ANO4: variants seen among roughly 807,000 people sequenced by gnomAD.
The protein encoded by ANO4 is anoctamin 4, also known as anoctamin-4.
Under a neutral mutation model 141.9 loss-of-function variants are expected in ANO4, and 69 were observed. That is an observed-to-expected ratio of 0.49 (90% CI 0.40 to 0.59). ANO4 has a LOEUF of 0.59. ANO4 is among the 20% of genes least tolerant of loss of function. The pLI, the probability that ANO4 is intolerant of heterozygous loss-of-function variation, is 0.00. For synonymous variants in ANO4, 350 were observed against 394.3 expected, an observed-to-expected ratio of 0.89 and a Z score of 1.33; for missense variants, 894 against 1,162.2, an observed-to-expected ratio of 0.77 and a Z score of 3.36.
Position 100,986,926 on chromosome 12 carries a change from CAT to C in ANO4, c.603-612_603-611del, listed in dbSNP as rs536377083. Reference sequence around the variant, plus strand: ...TTGACTTGGCTTCATTAGAGTGACACATGTGTGTCACGATGCCCTAGCACCAT... The same window carrying C: ...TTGACTTGGCTTCATTAGAGTGACACGTGTGTCACGATGCCCTAGCACCAT... On this transcript the variant is annotated intron_variant, in intron 7 of 27. Transcript: ENST00000392977. Among the ~76,000 whole-genome samples the C allele has an allele frequency of 9.3e-4, 141 of 152,282 alleles. 1 individual carries two copies. Among genetic ancestry groups the C allele is most frequent in the Middle Eastern group, 6.8e-3 (2 of 294 alleles).
intron 8 of ANO4, among the ~76,000 whole-genome samples, 173 bp downstream of exon 8, chr12:100,987,843 G>A (rs2044785338): frequency 6.6e-6 from 1 of 152,184 alleles, no homozygotes; most frequent in Non-Finnish European, 1.5e-5. Flanking sequence ...GAAGATAACT[G>A]CTGTAACCAA....
chr12:100,940,659 G>T (rs1187845634), intron 4 of ANO4, among the ~76,000 whole-genome samples: 1 of 151,952 alleles, frequency 6.6e-6, no homozygotes, highest in Non-Finnish European at 1.5e-5. Flanking sequence ...TGTTTTTTTC[G>T]ATTAAGGTTT....
chr12:100,798,028 G>C lies in ANO4; in HGVS notation c.-141+3001G>C, dbSNP rs185538292. On this transcript the variant is annotated intron_variant, in intron 1 of 27. Transcript: ENST00000392977. ...CTTATCATTGAAACTGTTTTCCATA[G>C]TTGATTACCAGGACCAGAAATAGAA... is the stretch of plus-strand genomic sequence containing the variant. Among the ~76,000 whole-genome samples, 738 of 152,268 alleles carry C rather than the reference G, an allele frequency of 4.8e-3. 7 individuals are homozygous for C. Among genetic ancestry groups the C allele is most frequent in the Middle Eastern group, 0.017 (5 of 294 alleles).
At chr12:101,020,405 G>C (rs140038297) in intron 9 of ANO4, among the ~76,000 whole-genome samples, 59 of 152,336 alleles carry the variant, frequency 3.9e-4, no homozygotes, top group Middle Eastern at 3.4e-3. Flanking sequence ...CACTGAACTA[G>C]ATGTTGGGGA....
chr12:101,057,732 G>C (rs985765314), intron 14 of ANO4, among the ~76,000 whole-genome samples: 1 of 152,122 alleles, frequency 6.6e-6, no homozygotes. Flanking sequence ...CTGTAAAGTT[G>C]TTTAAGTTGC....
chr12:100,917,116 A>AC (rs1275649688), intron 2 of ANO4, among the ~76,000 whole-genome samples: 1 of 152,344 alleles, frequency 6.6e-6, no homozygotes, highest in African/African-American at 2.4e-5. Context: ...ATTGAGTATA[A>AC]CTTCTGTCCA....
At chr12:100,748,886 G>T (rs934896867) in intron 3 of ANO4, among the ~76,000 whole-genome samples, 1 of 152,100 alleles carries the variant, frequency 6.6e-6, no homozygotes, top group African/African-American at 2.4e-5. Flanking sequence ...GGGGTATTTA[G>T]ATTTTAATCG....
At chr12:100,774,314 A>G (rs2033407650) in intron 3 of ANO4, among the ~76,000 whole-genome samples, 2 of 152,200 alleles carry the variant, frequency 1.3e-5, no homozygotes, top group African/African-American at 2.4e-5. Flanking sequence ...ACTAAACCCA[A>G]AGCAAATTAT....
At chr12:100,956,918 G>A (rs991816494) in intron 5 of ANO4, among the ~76,000 whole-genome samples, 2 of 152,124 alleles carry the variant, frequency 1.3e-5, no homozygotes, top group Non-Finnish European at 2.9e-5. Context: ...ATTTTAGTTT[G>A]TCATTTCCTT....
intron 8 of ANO4, among the ~76,000 whole-genome samples, chr12:101,003,667 C>G (rs148235002): frequency 6.6e-6 from 1 of 152,014 alleles, no homozygotes; most frequent in Admixed American, 6.5e-5. Context: ...ATGATTTACA[C>G]GTAATTGCAC....
At chr12:100,984,928 A>G (rs2044642224) in intron 7 of ANO4, among the ~76,000 whole-genome samples, 1 of 150,750 alleles carries the variant, frequency 6.6e-6, no homozygotes, top group Non-Finnish European at 1.5e-5. Flanking sequence ...TTTTTTTTAC[A>G]GCTTTATTTG....
intron 2 of ANO4, among the ~76,000 whole-genome samples, chr12:100,921,493 G>A (rs148434763): frequency 1.3e-3 from 202 of 152,230 alleles, no homozygotes; most frequent in Admixed American, 2.9e-3. Flanking sequence ...AATCGGAGAC[G>A]TTCTTACTGA....
At chr12:100,870,236 A>G (rs2038965543) in intron 1 of ANO4, among the ~76,000 whole-genome samples, 1 of 152,192 alleles carries the variant, frequency 6.6e-6, no homozygotes, top group Admixed American at 6.5e-5. Context: ...TTTTCCTCTA[A>G]TATTTTGTGC....
intron 1 of ANO4, among the ~76,000 whole-genome samples, chr12:100,719,833 T>C (rs112195298): frequency 0.027 from 4,186 of 152,274 alleles, 211 homozygotes; most frequent in African/African-American, 0.096. Context: ...TCTTTTGAGC[T>C]TGCTCTTTCC....
chr12:100,905,789 A>G (rs953546519), intron 2 of ANO4, among the ~76,000 whole-genome samples: 1 of 152,158 alleles, frequency 6.6e-6, no homozygotes, highest in Admixed American at 6.5e-5. Context: ...AGAGGGGAGA[A>G]TTTGTGATGT....
rs1399979954 is a variant in ANO4, at chr12:101,016,216, A to AG, written c.735-3818_735-3817insG. On this transcript the variant is annotated intron_variant, in intron 8 of 27. Coordinates refer to ENST00000392977, the MANE Select transcript of ANO4 (RefSeq NM_001286615.2). ...GTCTATTTTGGCCACAGTTATATAAACCTGTACAGGAAGCATGGCACCAGA... is the reference window on the plus strand; with the variant it reads ...GTCTATTTTGGCCACAGTTATATAAAGCCTGTACAGGAAGCATGGCACCAGA... Among the ~76,000 whole-genome samples, 3 of 152,224 alleles carry AG rather than the reference A, an allele frequency of 2.0e-5. No homozygotes were observed. In the East Asian group the frequency reaches 5.8e-4, roughly 29 times the overall value.
intron 8 of ANO4, among the ~76,000 whole-genome samples, chr12:101,010,574 G>A (rs572983515): frequency 1.8e-4 from 27 of 152,186 alleles, no homozygotes; most frequent in African/African-American, 6.5e-4. Context: ...CCCAGAAAAC[G>A]CTCAAAATAG....
intron 1 of ANO4, among the ~76,000 whole-genome samples, chr12:100,828,055 T>A (rs7972186): frequency 0.13 from 19,537 of 151,550 alleles, 1,316 homozygotes; most frequent in South Asian, 0.18. Context: ...TGTTAAAAAA[T>A]TTTTTTTTGA....
chr12:100,973,591 A>C (rs527489519), intron 6 of ANO4, among the ~76,000 whole-genome samples: 14 of 152,352 alleles, frequency 9.2e-5, no homozygotes, highest in South Asian at 4.1e-4. Flanking sequence ...TAGAAAATTG[A>C]GAAGATACTA....
Sources: allele counts gnomAD v4.1 joint callset (sites outside exome capture counted in the v4.1 genomes callset), GRCh38; gene constraint gnomAD v4.1.1; transcripts MANE v1.5; gene names NCBI Gene and HGNC (gene_info 2026-07-23, HGNC 2026-07-21).